GPR143: variants seen among roughly 807,000 people sequenced by gnomAD.
GPR143 encodes the protein G protein-coupled receptor 143, also known as G-protein coupled receptor 143.
A neutral mutation model predicts 27.6 loss-of-function variants in GPR143; 8 were observed. The observed-to-expected ratio is 0.29, with a 90% CI of 0.17 to 0.52. GPR143 has a LOEUF of 0.52. GPR143 is among the 20% of genes least tolerant of loss of function. GPR143 has a pLI of 0.96. For synonymous variants in GPR143, 156 were observed against 153.2 expected, an observed-to-expected ratio of 1.02 and a Z score of -0.13; for missense variants, 303 against 343.1, an observed-to-expected ratio of 0.88 and a Z score of 0.92.
chrX:9,776,664 C>T (rs745617463), intron 1 of GPR143, among the ~76,000 whole-genome samples: 22 of 105,526 alleles, frequency 2.1e-4, no homozygotes, highest in African/African-American at 7.0e-4. Flanking sequence ...GCTGGGATTA[C>T]AGGTGTGAGT....
At chrX:9,766,272 C>A (rs755053624), upstream of GPR143, 1 of 112,684 alleles carries the variant, frequency 8.9e-6, no homozygotes, top group South Asian at 3.8e-4. Flanking sequence ...GCCTTTAAGG[C>A]GCCAGAACAT....
chrX:9,743,459 A>G (rs1357533383), intron 6 of GPR143, 106 bp downstream of exon 6: 4 of 544,313 alleles, frequency 7.3e-6, no homozygotes, highest in Non-Finnish European at 1.3e-5. Flanking sequence ...TTCCTTCCCA[A>G]AGGCTCTTCC....
chrX:9,755,238 C>T (rs1325698809), intron 3 of GPR143, among the ~76,000 whole-genome samples: 10 of 110,734 alleles, frequency 9.0e-5, no homozygotes, highest in African/African-American at 2.6e-4. Flanking sequence ...ACCAACATGG[C>T]GAAACCCCAT....
chrX:9,737,128 C>A (rs975479634), intron 8 of GPR143, among the ~76,000 whole-genome samples: 13 of 111,675 alleles, frequency 1.2e-4, no homozygotes, highest in Non-Finnish European at 2.1e-4. Context: ...GAGACCCCAG[C>A]TCTATAAAAT....
upstream of GPR143, among the ~76,000 whole-genome samples, chrX:9,770,466 G>T (rs1307190097): frequency 5.4e-5 from 6 of 110,793 alleles, no homozygotes; most frequent in Admixed American, 5.8e-4. Context: ...TCTACCACCT[G>T]AGGCTCTGGC....
upstream of GPR143, chrX:9,765,937 C>CA (rs1358876157): frequency 2.8e-6 from 2 of 720,986 alleles, no homozygotes; most frequent in African/African-American, 4.5e-5. Flanking sequence ...CCCCAACCCC[C>CA]AGCGCCTGCA....
intron 6 of GPR143, among the ~76,000 whole-genome samples, chrX:9,741,776 C>T (rs1396208659): frequency 9.1e-6 from 1 of 110,345 alleles, no homozygotes; most frequent in Non-Finnish European, 1.9e-5. Context: ...ACCTGTAGTC[C>T]CAGCTAATTG....
chrX:9,734,852 G>A (rs764438627), intron 8 of GPR143, among the ~76,000 whole-genome samples: 60 of 112,006 alleles, frequency 5.4e-4, no homozygotes, highest in Admixed American at 9.4e-4. Context: ...CCCCTGGCTC[G>A]CTCCCTGGAG....
chrX:9,760,404 T>A (rs190550949), intron 2 of GPR143, among the ~76,000 whole-genome samples: 245 of 112,251 alleles, frequency 2.2e-3, no homozygotes, highest in Middle Eastern at 9.3e-3. Flanking sequence ...TATGTTTTAT[T>A]TAATATATTT....
intron 1 of GPR143, among the ~76,000 whole-genome samples, chrX:9,762,579 C>T (rs1240074454): frequency 1.8e-5 from 2 of 111,359 alleles, no homozygotes; most frequent in Admixed American, 9.6e-5. Flanking sequence ...ACAAATGCTA[C>T]GTAATATACT....
intron 8 of GPR143, among the ~76,000 whole-genome samples, chrX:9,727,308 G>C (rs1352763797): frequency 8.8e-6 from 1 of 113,390 alleles, no homozygotes; most frequent in Non-Finnish European, 1.9e-5. Flanking sequence ...CTGGTAGGGG[G>C]ACCACCCCTG....
At chrX:9,747,385 G>A (rs190009168) in intron 4 of GPR143, among the ~76,000 whole-genome samples, 4 of 111,402 alleles carry the variant, frequency 3.6e-5, no homozygotes, top group Non-Finnish European at 5.7e-5. Flanking sequence ...CTCCCTGTGC[G>A]CCCTGCAGCA....
At chrX:9,761,006 AAG>A (rs2083496854) in intron 1 of GPR143, among the ~76,000 whole-genome samples, 180 bp from the exon 2 acceptor site, 1 of 111,278 alleles carries the variant, frequency 9.0e-6, no homozygotes, top group Non-Finnish European at 1.9e-5. Context: ...AAAAGGAAGA[AAG>A]GAAGAAAAAA....
upstream of GPR143, among the ~76,000 whole-genome samples, chrX:9,766,922 C>T (rs894708818): frequency 9.5e-5 from 10 of 105,413 alleles, no homozygotes; most frequent in African/African-American, 3.6e-4. Flanking sequence ...CACACACACA[C>T]ACACACACAC....
intron 8 of GPR143, among the ~76,000 whole-genome samples, chrX:9,733,431 A>C: frequency 9.0e-6 from 1 of 110,901 alleles, no homozygotes; most frequent in Non-Finnish European, 1.9e-5. Flanking sequence ...ATTGTGGGAA[A>C]GATGGGGATT....
At chrX:9,745,546 T>C (rs1285505725) in intron 5 of GPR143, among the ~76,000 whole-genome samples, 1 of 111,875 alleles carries the variant, frequency 8.9e-6, no homozygotes, top group Non-Finnish European at 1.9e-5. Flanking sequence ...TTCCCAGACA[T>C]GTTGCCAACG....
At chrX:9,749,226 T>TCCCCCCCCCCCCCCCCCCCCCCCCC (rs1315734826) in intron 3 of GPR143, among the ~76,000 whole-genome samples, 1 of 73,092 alleles carries the variant, frequency 1.4e-5, no homozygotes, top group African/African-American at 5.5e-5. Context: ...GGGATTTCCC[T>TCCCCCCCCCCCCCCCCCCCCCCCCC]CCCCCCCCAA....
rs1206319805 is a variant in GPR143, at chrX:9,745,944, T to C, written c.658+100A>G. On this transcript the variant is annotated intron_variant, in intron 5 of 8. Coordinates refer to ENST00000467482, the MANE Select transcript of GPR143 (RefSeq NM_000273.3). ...CTGGAGGATGACAAATGAGGTCAAC[T>C]GTCCTGGAGAATTCCAGGACAACAT... 5.2e-6 allele frequency: 3 copies of C among 573,039 alleles called. No homozygotes were observed. The Admixed American group carries it at 6.9e-5, about 13-fold the overall frequency. 47.2% of individuals were successfully genotyped at this position (573,039 alleles called of 1,213,427 possible). A position where few individuals can be genotyped will look rare whatever the true frequency, so the allele number is the denominator to read the frequency against.
At chrX:9,744,598 G>A (rs942607222) in intron 5 of GPR143, among the ~76,000 whole-genome samples, 1 of 110,748 alleles carries the variant, frequency 9.0e-6, no homozygotes, top group Non-Finnish European at 1.9e-5. Flanking sequence ...CCAGCTACTC[G>A]GGAGGCTGAG....
Sources: gnomAD v4.1 joint callset for allele counts (sites outside exome capture counted in the v4.1 genomes callset) on GRCh38, gnomAD v4.1.1 for gene constraint, MANE v1.5 for transcripts, NCBI Gene and HGNC (gene_info 2026-07-23, HGNC 2026-07-21) for gene names.